Variants in RPL36A observed in about 807,000 individuals in gnomAD.
RPL36A encodes the protein ribosomal protein L36a.
For missense variants in RPL36A, 20 were observed against 81.0 expected (o/e 0.25, Z 2.89); for synonymous variants, 25 against 28.5 (o/e 0.88, Z 0.39).
chrX:101,392,255 A>C (rs1360167023), intron 3 of RPL36A: 1 of 901,956 alleles, frequency 1.1e-6, no homozygotes, highest in East Asian at 8.0e-5. Flanking sequence ...CTCTTATAGA[A>C]TAGCCATTTA....
chrX:101,392,912 C>T (rs782631203), intron 3 of RPL36A: 2 of 109,694 alleles, frequency 1.8e-5, no homozygotes, highest in African/African-American at 6.7e-5. Flanking sequence ...GTCAGGAGTT[C>T]GAGACCAGCC....
At chrX:101,391,091 T>C (rs781877041) in intron 1 of RPL36A, 45 bp downstream of exon 1, 5 of 1,178,137 alleles carry the variant, frequency 4.2e-6, no homozygotes, top group South Asian at 3.6e-5. Context: ...GCTTAATCTT[T>C]CCCCCCCTTC....
intron 3 of RPL36A, chrX:101,392,314 TTC>T (rs1321100755): frequency 2.2e-5 from 19 of 867,812 alleles, no homozygotes; most frequent in Non-Finnish European, 2.7e-5. Context: ...CTGAGCGAGT[TTC>T]TGTTTACTCT....
intron 3 of RPL36A, among the ~76,000 whole-genome samples, chrX:101,394,161 T>C (rs1052663923): frequency 5.5e-5 from 6 of 109,699 alleles, no homozygotes; most frequent in Non-Finnish European, 9.5e-5. Context: ...GAAACCCCCA[T>C]CTCTAGTAAA....
At chrX:101,395,482 C>G in intron 4 of RPL36A, 25 bp downstream of exon 4, 1 of 1,199,008 alleles carries the variant, frequency 8.3e-7, no homozygotes, top group Non-Finnish European at 1.1e-6. Context: ...GTGGAAGGTG[C>G]AATCTTTTTC....
chrX:101,392,102 A>C lies in RPL36A; in HGVS notation c.177+280A>C, dbSNP rs1282473674. On this transcript the variant is annotated intron_variant, in intron 3 of 4. Coordinates refer to ENST00000553110, the MANE Select transcript of RPL36A (RefSeq NM_021029.6). ...CTTTCCTAAGAACTGAAGTGTGAGTACACTGGTAAATCCTTTCATTTGCCT... is the reference window on the plus strand; with the variant it reads ...CTTTCCTAAGAACTGAAGTGTGAGTCCACTGGTAAATCCTTTCATTTGCCT... 2.7e-6 allele frequency: 3 copies of C among 1,123,509 alleles called. No individual in the cohort carries two copies. The African/African-American group carries it at 5.5e-5, about 20-fold the overall frequency. 92.6% of individuals were successfully genotyped at this position (1,123,509 alleles called of 1,213,427 possible). A position where few individuals can be genotyped will look rare whatever the true frequency, so the allele number is the denominator to read the frequency against.
chrX:101,392,072 C>T, intron 3 of RPL36A: 3 of 1,142,913 alleles, frequency 2.6e-6, no homozygotes, highest in Non-Finnish European at 3.5e-6. Context: ...GAGGAATGTG[C>T]CCTGCTTTCC....
intron 2 of RPL36A, 75 bp downstream of exon 2, chrX:101,391,639 C>A: frequency 8.4e-7 from 1 of 1,193,602 alleles, no homozygotes; most frequent in South Asian, 1.8e-5. Context: ...CCGGGTCTCT[C>A]TCCCTCCACG....
intron 3 of RPL36A, among the ~76,000 whole-genome samples, chrX:101,394,703 T>C (rs1420836968): frequency 2.0e-5 from 2 of 100,409 alleles, no homozygotes; most frequent in Non-Finnish European, 3.9e-5. Context: ...CCACATTTTC[T>C]CTTTATATAT....
At position 101,392,831 on chromosome X, in the gene RPL36A, ACC is replaced by A. The variant is rs1555983661; in HGVS notation, c.177+1010_177+1011del. ...CGGGATGAATGGATAAAGAAAATGT[ACC>A]TATACGCGGCCAGGCACGGTGGCTT... On this transcript the variant is annotated intron_variant, in intron 3 of 4. Transcript: ENST00000553110. 84 of 144,033 alleles carry A rather than the reference ACC, an allele frequency of 5.8e-4. 1 individual carries two copies. Among genetic ancestry groups the A allele is most frequent in the African/African-American group, 2.1e-3 (65 of 31,240 alleles). The allele number at this position is 144,033 out of a possible 1,213,427, so 11.9% of individuals were successfully genotyped here.
rs1345802485 is a variant in RPL36A, at chrX:101,392,518, C to CT, written c.177+703dup. 6.4e-5 allele frequency: 48 copies of CT among 754,154 alleles called. No individual in the cohort carries two copies. In the African/African-American group the frequency reaches 9.2e-4, roughly 15 times the overall value. 62.2% of individuals were successfully genotyped at this position (754,154 alleles called of 1,213,427 possible). ...TGATCTCAGGGTGGCAAAAAGAATG[C>CT]TTTTTTTATACCTTTTCACATTCGG... On this transcript the variant is annotated intron_variant, in intron 3 of 4. Transcript: ENST00000553110.
Position 101,395,961 on chromosome X carries a change from A to G in RPL36A, c.*213A>G. On this transcript the variant is annotated 3_prime_UTR_variant, in exon 5 of 5. Transcript: ENST00000553110. ...TGCAATTTTCTAATTTGGCACTTCA[A>G]TCACTAGGGGCCTTATGAGGCAGTT... 3 of 414,709 alleles carry G rather than the reference A, an allele frequency of 7.2e-6. No individual in the cohort carries two copies. The highest frequency in any genetic ancestry group is 2.5e-5 in the African/African-American group (1 of 40,509). 34.2% of individuals were successfully genotyped at this position (414,709 alleles called of 1,213,427 possible). A position where few individuals can be genotyped will look rare whatever the true frequency, so the allele number is the denominator to read the frequency against.
At chrX:101,394,420 A>T (rs112132208) in intron 3 of RPL36A, among the ~76,000 whole-genome samples, 13,749 of 108,553 alleles carry the variant, frequency 0.13, 670 homozygotes, top group South Asian at 0.28. Flanking sequence ...TTCTAGACAT[A>T]ATTGTAGGTA....
rs1928012261 is a variant in RPL36A at position 101,395,975 on chromosome X, T to C, written c.*227T>C. 2.5e-6 allele frequency: 1 copy of C among 398,514 alleles called. No individual in the cohort carries two copies. The highest frequency in any genetic ancestry group is 2.5e-5 in the African/African-American group (1 of 40,217). The allele number at this position is 398,514 out of a possible 1,213,427, so 32.8% of individuals were successfully genotyped here. ...TTGGCACTTCAATCACTAGGGGCCT[T>C]ATGAGGCAGTTTGTCATTATGCAAT... On this transcript the variant is annotated 3_prime_UTR_variant, in exon 5 of 5. Transcript: ENST00000553110.
chrX:101,395,987 T>A lies in RPL36A; in HGVS notation c.*239T>A, dbSNP rs956512429. 3 of 391,232 alleles carry A rather than the reference T, an allele frequency of 7.7e-6. No individual in the cohort carries two copies. Among genetic ancestry groups the A allele is most frequent in the Non-Finnish European group, 1.3e-5 (3 of 228,479 alleles). The allele number at this position is 391,232 out of a possible 1,213,427, so 32.2% of individuals were successfully genotyped here. A position where few individuals can be genotyped will look rare whatever the true frequency, so the allele number is the denominator to read the frequency against. On this transcript the variant is annotated 3_prime_UTR_variant, in exon 5 of 5. Transcript: ENST00000553110. ...TCACTAGGGGCCTTATGAGGCAGTT[T>A]GTCATTATGCAATGGTTATTGGTTA...
At position 101,391,807 on chromosome X, in the gene RPL36A, G is replaced by A; in HGVS notation, c.162G>A (p.Pro54=). The change falls in exon 3 of 5, where the codon CCG becomes CCA. Residue 54 remains proline, a synonymous_variant. Coordinates refer to ENST00000553110, the MANE Select transcript of RPL36A (RefSeq NM_021029.6). ...GTGGCTATGGTGGGCAAACTAAGCC[G>A]ATTTTCCGGAAAAAGGTGAGTGGTA... ...KQSGYGGQTK[P]IFRKKAKTTK... 1 of 1,208,843 alleles carries A rather than the reference G, an allele frequency of 8.3e-7. No homozygotes were observed. The highest frequency in any genetic ancestry group is 1.8e-5 in the South Asian group (1 of 56,222).
In RPL36A at chrX:101,396,067, A is replaced by G; in HGVS notation, c.*319A>G. On this transcript the variant is annotated 3_prime_UTR_variant, in exon 5 of 5. Coordinates refer to ENST00000553110, the MANE Select transcript of RPL36A (RefSeq NM_021029.6). ...AGGGAGAAGTCAGTAACACATTCATAGTGAATATGAGATGTCTTTGCTAAG... is the reference window on the plus strand; with the variant it reads ...AGGGAGAAGTCAGTAACACATTCATGGTGAATATGAGATGTCTTTGCTAAG... 4.0e-6 allele frequency: 1 copy of G among 251,956 alleles called. No individual in the cohort carries two copies. 20.8% of individuals were successfully genotyped at this position (251,956 alleles called of 1,213,427 possible). A position where few individuals can be genotyped will look rare whatever the true frequency, so the allele number is the denominator to read the frequency against.
At chrX:101,391,641 C>T (rs902630239) in intron 2 of RPL36A, 77 bp downstream of exon 2, 7 of 1,189,676 alleles carry the variant, frequency 5.9e-6, no homozygotes, top group Non-Finnish European at 8.0e-6. Context: ...GGGTCTCTCT[C>T]CCTCCACGCC....
At position 101,392,198 on chromosome X, in the gene RPL36A, A is replaced by G. The variant is rs1160944357; in HGVS notation, c.177+376A>G. ...ACTAAGAATTGTTCTGTTGTTTCTCATCACAGAAATCTGCAGTCAACTACC... is the reference window on the plus strand; with the variant it reads ...ACTAAGAATTGTTCTGTTGTTTCTCGTCACAGAAATCTGCAGTCAACTACC... On this transcript the variant is annotated intron_variant, in intron 3 of 4. Transcript: ENST00000553110. The G allele has an allele frequency of 4.1e-6, 4 of 970,600 alleles. No individual in the cohort carries two copies. The African/African-American group carries it at 6.0e-5, about 15-fold the overall frequency. 80.0% of individuals were successfully genotyped at this position (970,600 alleles called of 1,213,427 possible). A position where few individuals can be genotyped will look rare whatever the true frequency, so the allele number is the denominator to read the frequency against.
Sources: allele counts gnomAD v4.1 joint callset (sites outside exome capture counted in the v4.1 genomes callset), GRCh38; gene constraint gnomAD v4.1.1; transcripts MANE v1.5; gene names NCBI Gene and HGNC (gene_info 2026-07-23, HGNC 2026-07-21).